The following RNF180 variants were observed in gnomAD, a reference collection of about 807,000 sequenced individuals.
RNF180 encodes ring finger protein 180.
RNF180 carries 38 observed loss-of-function variants against 59.2 expected under a neutral mutation model. That is an observed-to-expected ratio of 0.64 (90% CI 0.50 to 0.84). RNF180 has a LOEUF of 0.84. Ranked by LOEUF, RNF180 falls within the 40% of genes least tolerant of loss-of-function variation. RNF180 has a pLI of 0.00. For synonymous variants in RNF180, 262 were observed against 240.3 expected (o/e 1.09, Z -0.84); for missense variants, 705 against 700.9 (o/e 1.01, Z -0.07).
intron 5 of RNF180, among the ~76,000 whole-genome samples, chr5:64,252,537 A>G (rs1245710779): frequency 2.0e-5 from 3 of 152,124 alleles, no homozygotes; most frequent in African/African-American, 7.2e-5. Flanking sequence ...TATTTTGCAT[A>G]GGGAATACAT....
chr5:64,350,067 C>T (rs918993315), intron 7 of RNF180, among the ~76,000 whole-genome samples: 3 of 152,212 alleles, frequency 2.0e-5, no homozygotes, highest in Middle Eastern at 3.4e-3. Context: ...CCACATCCTC[C>T]CCAGAACCTG....
rs1301127035 is a variant in RNF180, at chr5:64,267,452, C to G, written c.1227+50056C>G. On this transcript the variant is annotated intron_variant, in intron 5 of 7. Coordinates refer to ENST00000389100, the MANE Select transcript of RNF180 (RefSeq NM_001113561.2). Reference sequence around the variant, plus strand: ...GTGCCATGCTGGTGTGCTGCACCCACTAATTCGTCATCTAGCATTAGGTAT... The same window carrying G: ...GTGCCATGCTGGTGTGCTGCACCCAGTAATTCGTCATCTAGCATTAGGTAT... 2.6e-5 allele frequency among the ~76,000 whole-genome samples: 4 copies of G among 151,958 alleles called. No homozygotes were observed. In the South Asian group the frequency reaches 6.2e-4, roughly 24 times the overall value.
chr5:64,232,061 T>C (rs551507618), intron 5 of RNF180, among the ~76,000 whole-genome samples: 1 of 152,212 alleles, frequency 6.6e-6, no homozygotes. Context: ...TAATAGTAAC[T>C]GTTGTCATAC....
intron 7 of RNF180, among the ~76,000 whole-genome samples, chr5:64,355,535 C>T (rs1472782996): frequency 5.3e-5 from 8 of 151,810 alleles, no homozygotes; most frequent in Admixed American, 3.9e-4. Flanking sequence ...ATTTCAACAG[C>T]GCTTTTATAG....
chr5:64,308,179 A>G (rs1430414839), intron 5 of RNF180, among the ~76,000 whole-genome samples: 1 of 151,774 alleles, frequency 6.6e-6, no homozygotes, highest in Non-Finnish European at 1.5e-5. Flanking sequence ...GCTTTGAATA[A>G]CTGATTCAGT....
chr5:64,313,916 C>A (rs1177617011), intron 5 of RNF180, among the ~76,000 whole-genome samples: 2 of 152,102 alleles, frequency 1.3e-5, no homozygotes, highest in Admixed American at 1.3e-4. Context: ...TGATGTTGAG[C>A]ATTTTTTCAA....
intron 4 of RNF180, 69 bp downstream of exon 4, chr5:64,214,586 A>C (rs779411542): frequency 2.2e-6 from 3 of 1,357,680 alleles, no homozygotes; most frequent in Non-Finnish European, 3.0e-6. Context: ...AGTGGAGCTA[A>C]CTTTCAACAT....
chr5:64,339,003 TCTTC>T (rs1745246603), intron 7 of RNF180, among the ~76,000 whole-genome samples: 1 of 152,168 alleles, frequency 6.6e-6, no homozygotes, highest in African/African-American at 2.4e-5. Context: ...TTTGTCAATT[TCTTC>T]CTAAGTTTAT....
At position 64,231,138 on chromosome 5, in the gene RNF180, A is replaced by T. The variant is rs146834502; in HGVS notation, c.1227+13742A>T. ...AGGTAAAAGGTATGGCACTAAAGAT[A>T]ATATTGACCTACCTCACAGTGTTGC... On this transcript the variant is annotated intron_variant, in intron 5 of 7. Coordinates refer to ENST00000389100, the MANE Select transcript of RNF180 (RefSeq NM_001113561.2). Among the ~76,000 whole-genome samples the T allele has an allele frequency of 6.6e-5, 10 of 152,338 alleles. No individual in the cohort carries two copies. In the East Asian group the frequency reaches 1.9e-3, roughly 29 times the overall value.
At chr5:64,285,894 C>T (rs1742259173) in intron 5 of RNF180, among the ~76,000 whole-genome samples, 1 of 152,148 alleles carries the variant, frequency 6.6e-6, no homozygotes, top group South Asian at 2.1e-4. Flanking sequence ...AGTCCTGCCC[C>T]TGCCATCTCT....
intron 5 of RNF180, among the ~76,000 whole-genome samples, chr5:64,323,476 G>A (rs1412983208): frequency 1.3e-5 from 2 of 152,084 alleles, no homozygotes. Flanking sequence ...AGGAAGCAGA[G>A]GCTCTGTGCA....
At chr5:64,177,539 A>G (rs1750310590) in intron 1 of RNF180, among the ~76,000 whole-genome samples, 2 of 45,046 alleles carry the variant, frequency 4.4e-5, no homozygotes, top group South Asian at 1.3e-3. Context: ...ATATATATAT[A>G]TATATATATA....
intron 5 of RNF180, among the ~76,000 whole-genome samples, chr5:64,260,528 T>C (rs1046787813): frequency 1.3e-5 from 2 of 152,238 alleles, no homozygotes; most frequent in Admixed American, 6.5e-5. Flanking sequence ...ATCTTCAGTT[T>C]TCTCATCTGT....
intron 5 of RNF180, among the ~76,000 whole-genome samples, chr5:64,256,561 A>T (rs1462692200): frequency 1.3e-5 from 2 of 152,076 alleles, no homozygotes; most frequent in African/African-American, 4.8e-5. Context: ...ATTGGTCTAT[A>T]TCTCTGTTTT....
At chr5:64,198,961 A>T (rs770672458) in intron 1 of RNF180, among the ~76,000 whole-genome samples, 1 of 152,036 alleles carries the variant, frequency 6.6e-6, no homozygotes, top group Non-Finnish European at 1.5e-5. Context: ...GACTACAGGC[A>T]TGTTGCCACC....
chr5:64,347,244 A>G lies in RNF180; in HGVS notation c.1579+16838A>G, dbSNP rs551012978. Among the ~76,000 whole-genome samples the G allele has an allele frequency of 3.3e-5, 5 of 152,344 alleles. No individual in the cohort carries two copies. In the South Asian group the frequency reaches 1.0e-3, roughly 32 times the overall value. ...GGATTTGTGAGACCACAAAATGTTT[A>G]TAGTACTTCAATACTGTATTCAAGG... On this transcript the variant is annotated intron_variant, in intron 7 of 7. Transcript: ENST00000389100.
chr5:64,176,730 T>G (rs1434907695), intron 1 of RNF180, among the ~76,000 whole-genome samples: 1 of 152,204 alleles, frequency 6.6e-6, no homozygotes, highest in African/African-American at 2.4e-5. Context: ...CACTGATGGT[T>G]TGATATCTGG....
intron 1 of RNF180, among the ~76,000 whole-genome samples, chr5:64,169,875 A>C (rs900377443): frequency 6.6e-6 from 1 of 152,200 alleles, no homozygotes; most frequent in African/African-American, 2.4e-5. Flanking sequence ...AATTCTAATC[A>C]TTACTTCATT....
chr5:64,368,925 A>G (rs1347446887), intron 7 of RNF180, among the ~76,000 whole-genome samples: 1 of 152,094 alleles, frequency 6.6e-6, no homozygotes, highest in Non-Finnish European at 1.5e-5. Flanking sequence ...ATCTGGAACT[A>G]GAAATACCAT....
Sources: allele counts gnomAD v4.1 joint callset (sites outside exome capture counted in the v4.1 genomes callset), GRCh38; gene constraint gnomAD v4.1.1; transcripts MANE v1.5; gene names NCBI Gene and HGNC (gene_info 2026-07-23, HGNC 2026-07-21).